Variants in KHDRBS3 observed in about 807,000 individuals in gnomAD.
The protein encoded by KHDRBS3 is KH domain-containing, RNA-binding, signal transduction-associated protein 3.
Under a neutral mutation model 45.6 loss-of-function variants are expected in KHDRBS3, and 23 were observed. That is an observed-to-expected ratio of 0.50 (90% CI 0.36 to 0.72). KHDRBS3 has a LOEUF of 0.72. Among genes scored for constraint, KHDRBS3 ranks in the 30% least tolerant of loss-of-function variants. KHDRBS3 has a pLI of 0.00. For synonymous variants in KHDRBS3, 162 were observed against 156.5 expected, an observed-to-expected ratio of 1.04 and a Z score of -0.26; for missense variants, 352 against 424.8, an observed-to-expected ratio of 0.83 and a Z score of 1.51.
At chr8:135,639,447 A>G (rs4909500) in intron 7 of KHDRBS3, among the ~76,000 whole-genome samples, 149,560 of 152,274 alleles carry the variant, frequency 0.98, 73,508 homozygotes, top group East Asian at 1. Flanking sequence ...ACTCAGGACA[A>G]TGATGCTGTT....
At chr8:135,565,629 C>A (rs924645492) in intron 5 of KHDRBS3, among the ~76,000 whole-genome samples, 3 of 152,192 alleles carry the variant, frequency 2.0e-5, no homozygotes, top group Non-Finnish European at 4.4e-5. Flanking sequence ...TCAGTTGTCA[C>A]TAGAGAGTTG....
intron 5 of KHDRBS3, among the ~76,000 whole-genome samples, chr8:135,568,109 G>C (rs1827518447): frequency 6.6e-6 from 1 of 152,116 alleles, no homozygotes; most frequent in African/African-American, 2.4e-5. Flanking sequence ...AACAAAAGCT[G>C]CTTCCCGTCT....
intron 6 of KHDRBS3, among the ~76,000 whole-genome samples, chr8:135,592,761 G>GA (rs1828806131): frequency 1.2e-4 from 1 of 8,020 alleles, no homozygotes; most frequent in Admixed American, 2.1e-3. Context: ...TTCGAACTCT[G>GA]GTTATATAGC....
At chr8:135,600,339 G>T (rs915587992) in intron 6 of KHDRBS3, among the ~76,000 whole-genome samples, 11 of 152,170 alleles carry the variant, frequency 7.2e-5, no homozygotes, top group Non-Finnish European at 1.6e-4. Context: ...TCTCTGACTA[G>T]TCCAGTTGAA....
chr8:135,494,418 A>G (rs979543988), intron 1 of KHDRBS3, among the ~76,000 whole-genome samples: 2 of 151,676 alleles, frequency 1.3e-5, no homozygotes, highest in Non-Finnish European at 2.9e-5. Context: ...AGCTGGGGCT[A>G]CAGGCGCCCG....
At chr8:135,549,029 A>G (rs1329427552) in intron 4 of KHDRBS3, 129 bp downstream of exon 4, 1 of 502,618 alleles carries the variant, frequency 2.0e-6, no homozygotes, top group Non-Finnish European at 3.3e-6. Flanking sequence ...ACATCACCTC[A>G]AGTAGACCTT....
intron 7 of KHDRBS3, among the ~76,000 whole-genome samples, chr8:135,618,211 A>G (rs973762081): frequency 4.6e-5 from 7 of 152,240 alleles, no homozygotes; most frequent in African/African-American, 1.7e-4. Flanking sequence ...AACTTACAAT[A>G]TAACAGTGAG....
intron 6 of KHDRBS3, among the ~76,000 whole-genome samples, chr8:135,604,178 AT>A (rs1829346420): frequency 1.3e-5 from 2 of 151,660 alleles, no homozygotes; most frequent in South Asian, 4.2e-4. Context: ...TTAAAATGTC[AT>A]TTTTCTCTAA....
chr8:135,589,760 C>G (rs1195299277), intron 6 of KHDRBS3, among the ~76,000 whole-genome samples: 1 of 152,220 alleles, frequency 6.6e-6, no homozygotes, highest in East Asian at 1.9e-4. Flanking sequence ...TACCCAGTCT[C>G]ACAGAACCTG....
chr8:135,593,159 T>C (rs1478703655), intron 6 of KHDRBS3, among the ~76,000 whole-genome samples: 1 of 152,178 alleles, frequency 6.6e-6, no homozygotes, highest in African/African-American at 2.4e-5. Flanking sequence ...GATGCAGATA[T>C]AAGAGGGCAG....
intron 1 of KHDRBS3, among the ~76,000 whole-genome samples, chr8:135,517,866 A>G (rs1586649415): frequency 2.0e-5 from 3 of 152,214 alleles, no homozygotes; most frequent in African/African-American, 7.2e-5. Flanking sequence ...AAAATTTAAG[A>G]TAGAAACAGT....
At chr8:135,501,473 A>T (rs1823732773) in intron 1 of KHDRBS3, among the ~76,000 whole-genome samples, 1 of 152,242 alleles carries the variant, frequency 6.6e-6, no homozygotes, top group South Asian at 2.1e-4. Flanking sequence ...TGTCTGACAA[A>T]CAAGAAACTT....
intron 6 of KHDRBS3, among the ~76,000 whole-genome samples, chr8:135,596,963 C>CA (rs1386279465): frequency 4.6e-5 from 7 of 152,182 alleles, no homozygotes; most frequent in African/African-American, 1.4e-4. Context: ...TCTCCCAGCT[C>CA]ACTTCACTTT....
intron 7 of KHDRBS3, among the ~76,000 whole-genome samples, chr8:135,610,111 A>C (rs1029807263): frequency 3.3e-5 from 5 of 151,884 alleles, no homozygotes. Context: ...GATATAAAGA[A>C]CCAAACTTAA....
rs536615469 is a variant in KHDRBS3, at chr8:135,577,502, G to A, written c.612-4376G>A. Among the ~76,000 whole-genome samples, 67 of 152,028 alleles carry A rather than the reference G, an allele frequency of 4.4e-4. No homozygotes were observed. The Middle Eastern group carries it at 0.017, about 39-fold the overall frequency. ...TTTTCAGTATGTCATACAGTTGAAA[G>A]CATATAGTATGTAGCCTTTCCAGAG... On this transcript the variant is annotated intron_variant, in intron 5 of 8. Coordinates refer to ENST00000355849, the MANE Select transcript of KHDRBS3 (RefSeq NM_006558.3).
intron 1 of KHDRBS3, among the ~76,000 whole-genome samples, chr8:135,506,259 GA>G (rs941581031): frequency 1.4e-4 from 21 of 152,210 alleles, no homozygotes; most frequent in Non-Finnish European, 2.5e-4. Flanking sequence ...AGTGACTGGG[GA>G]TAAGATGATG....
chr8:135,625,354 C>A, intron 7 of KHDRBS3: 1 of 936,234 alleles, frequency 1.1e-6, no homozygotes, highest in Non-Finnish European at 1.8e-6. Context: ...CCCTCTCTTT[C>A]TCCAAGTCTT....
intron 6 of KHDRBS3, among the ~76,000 whole-genome samples, chr8:135,605,593 CCT>C (rs1829422516): frequency 1.3e-5 from 2 of 152,138 alleles, no homozygotes; most frequent in East Asian, 1.9e-4. Flanking sequence ...ACAACTATCC[CCT>C]GTGTATACCA....
chr8:135,606,546 C>G (rs1004510795), intron 6 of KHDRBS3, among the ~76,000 whole-genome samples: 1 of 152,088 alleles, frequency 6.6e-6, no homozygotes, highest in African/African-American at 2.4e-5. Flanking sequence ...CAGCAGCATC[C>G]AGACTCCTGG....
Sources: gnomAD v4.1 joint callset for allele counts (sites outside exome capture counted in the v4.1 genomes callset) on GRCh38, gnomAD v4.1.1 for gene constraint, MANE v1.5 for transcripts, NCBI Gene and HGNC (gene_info 2026-07-23, HGNC 2026-07-21) for gene names.